The following RAP1A variants were observed in gnomAD, a reference collection of about 807,000 sequenced individuals.
RAP1A encodes ras-related protein Rap-1A.
A neutral mutation model predicts 26.4 loss-of-function variants in RAP1A; 6 were observed. The ratio of observed to expected loss-of-function variants is 0.23; its 90% CI spans 0.12 to 0.45. RAP1A has a LOEUF of 0.45. Among genes scored for constraint, RAP1A ranks in the 20% least tolerant of loss-of-function variants. RAP1A has a pLI of 0.99. For synonymous variants in RAP1A, 73 were observed against 79.4 expected (o/e 0.92, Z 0.43); for missense variants, 121 against 217.2 (o/e 0.56, Z 2.78).
chr1:111,601,134 T>C (rs1017976246), intron 1 of RAP1A, among the ~76,000 whole-genome samples: 1 of 152,222 alleles, frequency 6.6e-6, no homozygotes, highest in African/African-American at 2.4e-5. Context: ...ATTTAGACCA[T>C]GTAAGAACGC....
At chr1:111,673,080 T>A (rs1012918037) in intron 1 of RAP1A, among the ~76,000 whole-genome samples, 1 of 152,224 alleles carries the variant, frequency 6.6e-6, no homozygotes, top group African/African-American at 2.4e-5. Flanking sequence ...CTCTCTGGTT[T>A]GTGTATTGGT....
rs191574901 is a variant in RAP1A at position 111,551,892 on chromosome 1, G to C, written c.-28+9383G>C. 7.9e-4 allele frequency among the ~76,000 whole-genome samples: 121 copies of C among 152,276 alleles called. 1 individual carries two copies. Among genetic ancestry groups the C allele is most frequent in the Admixed American group, 5.7e-3 (87 of 15,294 alleles). On this transcript the variant is annotated intron_variant, in intron 1 of 7. Coordinates refer to the RAP1A transcript ENST00000356415. ...TTACTGTTTGCTCAGGTAAACTAGA[G>C]GGGAGAAATCAGGACTTTCTCTGGT...
chr1:111,684,299 G>T (rs1447375105), intron 1 of RAP1A, among the ~76,000 whole-genome samples: 2 of 152,130 alleles, frequency 1.3e-5, no homozygotes, highest in East Asian at 1.9e-4. Context: ...TCTGGCCAAG[G>T]CAGTCAGGCA....
At chr1:111,626,691 A>G (rs1659413016) in intron 1 of RAP1A, among the ~76,000 whole-genome samples, 1 of 152,224 alleles carries the variant, frequency 6.6e-6, no homozygotes, top group Non-Finnish European at 1.5e-5. Flanking sequence ...TAAGGCAACA[A>G]TAATATATTT....
intron 1 of RAP1A, among the ~76,000 whole-genome samples, chr1:111,554,609 TAA>T (rs1183904107): frequency 6.6e-6 from 1 of 152,150 alleles, no homozygotes; most frequent in African/African-American, 2.4e-5. Context: ...AGTGAATAAT[TAA>T]AAGAGACACA....
At chr1:111,645,255 A>C (rs1014717498) in intron 1 of RAP1A, among the ~76,000 whole-genome samples, 1 of 152,234 alleles carries the variant, frequency 6.6e-6, no homozygotes, top group South Asian at 2.1e-4. Context: ...GGAAATATAT[A>C]GGGCAGGTAG....
chr1:111,704,273 T>G, intron 5 of RAP1A, 70 bp from the exon 6 acceptor site: 1 of 1,501,510 alleles, frequency 6.7e-7, no homozygotes, highest in Non-Finnish European at 9.1e-7. Flanking sequence ...AGATAATTGC[T>G]TATTTATTTT....
In RAP1A at chr1:111,703,683, A is replaced by G. The variant is rs184081502; in HGVS notation, c.324+207A>G. On this transcript the variant is annotated intron_variant, in intron 5 of 7. Transcript: ENST00000369709. Reference sequence around the variant, plus strand: ...TTTAGAAAATGAGGACATATGTGATAAAGTACTCATTGTGCTATAGGTTAA... The same window carrying G: ...TTTAGAAAATGAGGACATATGTGATGAAGTACTCATTGTGCTATAGGTTAA... Among the ~76,000 whole-genome samples, 10 of 152,346 alleles carry G rather than the reference A, an allele frequency of 6.6e-5. No individual in the cohort carries two copies. In the East Asian group the frequency reaches 1.5e-3, roughly 23 times the overall value.
At chr1:111,559,822 T>C (rs1242967128) in intron 1 of RAP1A, among the ~76,000 whole-genome samples, 1 of 152,224 alleles carries the variant, frequency 6.6e-6, no homozygotes, top group African/African-American at 2.4e-5. Flanking sequence ...ATCTTAATGC[T>C]GGGAGAGACT....
intron 1 of RAP1A, among the ~76,000 whole-genome samples, chr1:111,570,227 G>A (rs1188979980): frequency 6.6e-6 from 1 of 152,130 alleles, no homozygotes; most frequent in Non-Finnish European, 1.5e-5. Flanking sequence ...CCACGTAAGA[G>A]GCAAGGATCC....
intron 1 of RAP1A, among the ~76,000 whole-genome samples, chr1:111,663,190 G>A (rs552074252): frequency 5.3e-5 from 8 of 152,332 alleles, no homozygotes; most frequent in Non-Finnish European, 5.9e-5. Flanking sequence ...GGGATTACAG[G>A]CGTGAGCCAC....
chr1:111,710,655 CT>C (rs1319584135), intron 7 of RAP1A, among the ~76,000 whole-genome samples: 2 of 152,126 alleles, frequency 1.3e-5, no homozygotes. Flanking sequence ...AGATATGAAT[CT>C]CTCTATTAAG....
intron 4 of RAP1A, among the ~76,000 whole-genome samples, chr1:111,700,584 A>G (rs191639891): frequency 7.9e-5 from 12 of 152,316 alleles, no homozygotes; most frequent in Admixed American, 5.9e-4. Context: ...GGAGGTGACA[A>G]ACATCCAAAC....
At chr1:111,674,343 T>C (rs993055811) in intron 1 of RAP1A, among the ~76,000 whole-genome samples, 1 of 151,982 alleles carries the variant, frequency 6.6e-6, no homozygotes, top group Admixed American at 6.6e-5. Flanking sequence ...AGATGCCTAG[T>C]GTCCCACACA....
chr1:111,585,993 G>A (rs963879967), intron 1 of RAP1A, among the ~76,000 whole-genome samples: 6 of 152,076 alleles, frequency 3.9e-5, no homozygotes, highest in Admixed American at 1.3e-4. Context: ...CAGTTCATTT[G>A]TATGTATCTC....
rs1659119969 is a variant in RAP1A at position 111,619,817 on chromosome 1, C to T, written c.-145C>T. The T allele has an allele frequency of 1.3e-5, 5 of 399,624 alleles. No individual in the cohort carries two copies. The highest frequency in any genetic ancestry group is 6.2e-4 in the Middle Eastern group (1 of 1,614). The allele number at this position is 399,624 out of a possible 1,614,324, so 24.8% of individuals were successfully genotyped here. A position where few individuals can be genotyped will look rare whatever the true frequency, so the allele number is the denominator to read the frequency against. ...GCCGCTCCCGAGGCCCCTGCCGCCG[C>T]CGCTCCCGCTGCTGTCGCCGCGCAG... On this transcript the variant is annotated 5_prime_UTR_variant, in exon 1 of 8. Transcript: ENST00000369709.
chr1:111,697,396 T>C, intron 3 of RAP1A, 45 bp from the exon 4 acceptor site: 1 of 1,608,100 alleles, frequency 6.2e-7, no homozygotes, highest in Non-Finnish European at 8.5e-7. Flanking sequence ...CAGAATGAGA[T>C]TTTGATGTTA....
At chr1:111,664,373 C>CAAAAAAAAAAAAAA (rs57610280) in intron 1 of RAP1A, among the ~76,000 whole-genome samples, 17 of 89,862 alleles carry the variant, frequency 1.9e-4, no homozygotes, top group African/African-American at 2.5e-4. Context: ...GACTCCGTCT[C>CAAAAAAAAAAAAAA]AAAAAAAAAA....
chr1:111,658,194 T>C (rs1293844024), intron 1 of RAP1A, among the ~76,000 whole-genome samples: 1 of 152,204 alleles, frequency 6.6e-6, no homozygotes, highest in Non-Finnish European at 1.5e-5. Context: ...AGTTTCTTTT[T>C]AGATACTTTT....
Sources: gnomAD v4.1 joint callset for allele counts (sites outside exome capture counted in the v4.1 genomes callset) on GRCh38, gnomAD v4.1.1 for gene constraint, MANE v1.5 for transcripts, NCBI Gene and HGNC (gene_info 2026-07-23, HGNC 2026-07-21) for gene names.